The following F8 variants were observed in gnomAD, a reference collection of about 807,000 sequenced individuals.
F8 encodes the protein antihemophilic factor.
In F8, 12 loss-of-function variants were observed where a neutral mutation model predicts 140.6. The ratio of observed to expected loss-of-function variants is 0.09; its 90% CI spans 0.05 to 0.14. F8 has a LOEUF of 0.14. F8 is among the 10% of genes least tolerant of loss of function. The pLI, the probability that F8 is intolerant of heterozygous loss-of-function variation, is 1.00. For missense variants in F8, 1,354 were observed against 1,720.7 expected (o/e 0.79, Z 3.77); for synonymous variants, 585 against 614.6 (o/e 0.95, Z 0.71).
intron 9 of F8, among the ~76,000 whole-genome samples, chrX:154,964,207 AT>A (rs1557281813): frequency 3.6e-5 from 4 of 111,492 alleles, no homozygotes; most frequent in African/African-American, 9.8e-5. Context: ...AGGGAGGAAA[AT>A]TTACATTTTA....
At chrX:154,978,773 G>C (rs2073501253) in intron 6 of F8, among the ~76,000 whole-genome samples, 1 of 110,094 alleles carries the variant, frequency 9.1e-6, no homozygotes, top group Admixed American at 9.6e-5. Flanking sequence ...TCCTGAAGAT[G>C]TATCTGTGGT....
At chrX:154,880,605 A>G (rs1459787852) in intron 22 of F8, among the ~76,000 whole-genome samples, 6 of 112,207 alleles carry the variant, frequency 5.3e-5, no homozygotes, top group African/African-American at 9.7e-5. Context: ...GAGTCTTCGT[A>G]TTTCTTATGA....
At chrX:154,873,947 A>G (rs1391048427) in intron 22 of F8, among the ~76,000 whole-genome samples, 4 of 112,407 alleles carry the variant, frequency 3.6e-5, no homozygotes, top group Non-Finnish European at 7.5e-5. Flanking sequence ...ATTTTTTTAT[A>G]TGACACCAAA....
chrX:154,845,025 C>T (rs1329336801), intron 25 of F8, among the ~76,000 whole-genome samples: 4 of 111,563 alleles, frequency 3.6e-5, no homozygotes, highest in African/African-American at 1.3e-4. Flanking sequence ...TTGTCAAAGG[C>T]CTTTTCTGCA....
Position 155,022,403 on chromosome X carries a change from C to G in F8, c.143+7G>C. ...CCCCGATCAGACCCTACAGGACATG[C>G]CTTTACCTTGCGTCCACAGGCAGCT... On this transcript the variant is annotated splice_region_variant and intron_variant, in intron 1 of 25. Transcript: ENST00000360256. 8.3e-7 allele frequency: 1 copy of G among 1,209,774 alleles called. No homozygotes were observed. The highest frequency in any genetic ancestry group is 1.1e-6 in the Non-Finnish European group (1 of 894,754).
chrX:154,904,805 G>A lies in F8; in HGVS notation c.5586+6C>T, dbSNP rs2073029383. The A allele has an allele frequency of 8.3e-7, 1 of 1,206,523 alleles. No individual in the cohort carries two copies. Among genetic ancestry groups the A allele is most frequent in the South Asian group, 1.8e-5 (1 of 56,738 alleles). On this transcript the variant is annotated splice_donor_region_variant and intron_variant, in intron 16 of 25. Coordinates refer to ENST00000360256, the MANE Select transcript of F8 (RefSeq NM_000132.4). ...AAAGTGGTCAGCACAATAGACACCT[G>A]CTTACCAGGTCAACATCAGAGAAAT...
chrX:154,930,681 G>A lies in F8; in HGVS notation c.3109C>T (p.Pro1037Ser). Residue 1037 changes from proline to serine, a missense_variant, in exon 14 of 26, where the codon CCA becomes TCA. Around this residue, in one of 4 missense-constraint regions of F8, gnomAD observed 658 missense variants for 666.5 expected, o/e 0.99. Transcript: ENST00000360256. The part of the protein sequence containing the change: ...ATNRKTHIDG[P>S]SLLIENSPSV... ...GGACTATTCTCAATTAATAATGATG[G>A]GCCATCAATGTGAGTCTTTCTATTA... is the stretch of plus-strand genomic sequence containing the variant. 8.3e-7 allele frequency: 1 copy of A among 1,208,269 alleles called. No individual in the cohort carries two copies. Among genetic ancestry groups the A allele is most frequent in the Non-Finnish European group, 1.1e-6 (1 of 893,671 alleles).
chrX:154,852,096 G>T (rs1306434877), intron 25 of F8, among the ~76,000 whole-genome samples: 2 of 111,511 alleles, frequency 1.8e-5, no homozygotes, highest in Admixed American at 9.5e-5. Flanking sequence ...TACAGACAGG[G>T]TCTTGCTCTG....
At chrX:154,959,732 T>A (rs2073386840) in intron 10 of F8, among the ~76,000 whole-genome samples, 1 of 111,801 alleles carries the variant, frequency 8.9e-6, no homozygotes, top group Admixed American at 9.5e-5. Flanking sequence ...TCTACTTCTA[T>A]GAGATCAACT....
intron 2 of F8, 127 bp downstream of exon 2, chrX:154,999,352 G>T: frequency 1.4e-6 from 1 of 732,086 alleles, no homozygotes; most frequent in Non-Finnish European, 2.1e-6. Flanking sequence ...TTTCCCTATA[G>T]GTAGCAGTTA....
At chrX:154,981,798 G>A (rs1557283603) in intron 6 of F8, among the ~76,000 whole-genome samples, 1 of 110,670 alleles carries the variant, frequency 9.0e-6, no homozygotes, top group Non-Finnish European at 1.9e-5. Flanking sequence ...GATTTTTTTG[G>A]AAATTTATGA....
At chrX:154,965,583 C>A (rs2124104696) in intron 9 of F8, among the ~76,000 whole-genome samples, 1 of 111,295 alleles carries the variant, frequency 9.0e-6, no homozygotes. Flanking sequence ...TCCCATCCTC[C>A]TTTCTTTTCT....
At chrX:155,007,519 G>C (rs1380458598) in intron 1 of F8, among the ~76,000 whole-genome samples, 1 of 111,969 alleles carries the variant, frequency 8.9e-6, no homozygotes, top group African/African-American at 3.3e-5. Context: ...CTGGTCTGTG[G>C]CCTGTTAGGA....
chrX:154,943,114 G>A (rs1393322519), intron 13 of F8, among the ~76,000 whole-genome samples: 1 of 112,047 alleles, frequency 8.9e-6, no homozygotes, highest in Non-Finnish European at 1.9e-5. Flanking sequence ...GCACAAGACA[G>A]GGATGCCTTC....
At chrX:154,860,394 T>C (rs1482703658) in intron 25 of F8, 38 bp downstream of exon 25, 161 of 1,179,380 alleles carry the variant, frequency 1.4e-4, no homozygotes, top group Admixed American at 2.6e-4. Context: ...GTGGTATTTT[T>C]TTTCTTTCTT....
chrX:155,013,097 G>C (rs1298792433), intron 1 of F8, among the ~76,000 whole-genome samples: 1 of 89,280 alleles, frequency 1.1e-5, no homozygotes, highest in Non-Finnish European at 2.1e-5. Flanking sequence ...AGTGAGCCGA[G>C]ATCGCACCAC....
chrX:155,009,650 G>A (rs994870025), intron 1 of F8, among the ~76,000 whole-genome samples: 14 of 110,603 alleles, frequency 1.3e-4, no homozygotes, highest in African/African-American at 4.6e-4. Context: ...CAGGAGAATC[G>A]CTTGAACACG....
In F8 at chrX:154,929,209, C is replaced by A. The variant is rs782007896; in HGVS notation, c.4581G>T (p.Thr1527=). ...VHIYQKDLFP[T]ETSNGSPGHL... ...GGCCAGGAGACCCATTGCTAGTTTC[C>A]GTAGGGAATAGGTCCTTCTGATAAA... The change falls in exon 14 of 26, where the codon ACG becomes ACT. Residue 1527 remains threonine (T), a synonymous_variant. Transcript: ENST00000360256. The A allele has an allele frequency of 1.7e-6, 2 of 1,209,885 alleles. No individual in the cohort carries two copies. The highest frequency in any genetic ancestry group is 1.8e-5 in the African/African-American group (1 of 57,126).
At chrX:154,909,311 T>C (rs2073053236) in intron 14 of F8, 1 of 131,526 alleles carries the variant, frequency 7.6e-6, no homozygotes, top group African/African-American at 3.2e-5. Context: ...GCCTTGTCAG[T>C]TGGATGAGCT....
Sources: gnomAD v4.1 joint callset for allele counts (sites outside exome capture counted in the v4.1 genomes callset) on GRCh38, gnomAD v4.1.1 for gene constraint, gnomAD v4.1.1 regional missense constraint, MANE v1.5 for transcripts, NCBI Gene and HGNC (gene_info 2026-07-23, HGNC 2026-07-21) for gene names.